The following TNRC6C variants were observed in gnomAD, a reference collection of about 807,000 sequenced individuals.
TNRC6C encodes the protein trinucleotide repeat-containing gene 6C protein.
TNRC6C carries 20 observed loss-of-function variants against 153.7 expected under a neutral mutation model. The ratio of observed to expected loss-of-function variants is 0.13; its 90% CI spans 0.09 to 0.19. The LOEUF is 0.19. Among genes scored for constraint, TNRC6C ranks in the 10% least tolerant of loss-of-function variants. The pLI, the probability that TNRC6C is intolerant of heterozygous loss-of-function variation, is 1.00. For missense variants in TNRC6C, 1,987 were observed against 2,172.0 expected (o/e 0.91, Z 1.69); for synonymous variants, 811 against 841.4 (o/e 0.96, Z 0.63).
intron 2 of TNRC6C, chr17:78,041,045 T>C (rs1444550659): frequency 6.6e-6 from 1 of 152,162 alleles, no homozygotes; most frequent in Non-Finnish European, 1.5e-5. Flanking sequence ...CAGGCGAGCC[T>C]CGATGCAGGC....
exon 2 of TNRC6C, chr17:78,031,767 G>A (rs972635431): frequency 8.1e-7 from 1 of 1,232,338 alleles, no homozygotes; most frequent in Non-Finnish European, 1.0e-6. Context: ...AACCCAGGGT[G>A]CTGGGCCTGC....
At chr17:77,976,736 C>G (rs1166675620) in intron 1 of TNRC6C, among the ~76,000 whole-genome samples, 1 of 151,942 alleles carries the variant, frequency 6.6e-6, no homozygotes, top group East Asian at 1.9e-4. Context: ...AGAGATCAGC[C>G]TAACCAATAT....
rs77850162 is a variant in TNRC6C, at chr17:78,102,766, T to C, written c.4572+222T>C. On this transcript the variant is annotated intron_variant, in intron 18 of 19. Transcript: ENST00000301624. ...CTCTTTTAACCATGTTCCTGGTGAA[T>C]TGTTTGTTTCCCCACCAGAGGCTGG... 3.4e-3 allele frequency: 1,780 copies of C among 522,562 alleles called. 28 individuals carry two copies. Among genetic ancestry groups the C allele is most frequent in the African/African-American group, 0.032 (1,617 of 50,680 alleles). 32.4% of individuals were successfully genotyped at this position (522,562 alleles called of 1,614,324 possible). A position where few individuals can be genotyped will look rare whatever the true frequency, so the allele number is the denominator to read the frequency against.
chr17:78,022,502 T>A (rs1334101287), intron 1 of TNRC6C, among the ~76,000 whole-genome samples: 1 of 152,184 alleles, frequency 6.6e-6, no homozygotes, highest in East Asian at 1.9e-4. Context: ...TTAAGAAAGA[T>A]TAACAGCAGC....
intron 1 of TNRC6C, among the ~76,000 whole-genome samples, chr17:78,006,433 G>A (rs2071497120): frequency 6.6e-6 from 1 of 152,074 alleles, no homozygotes; most frequent in Non-Finnish European, 1.5e-5. Context: ...TCTTACTATT[G>A]TCATTTCAAA....
Position 78,088,709 on chromosome 17 carries a change from G to C in TNRC6C, c.3802+1616G>C, listed in dbSNP as rs141286747. Among the ~76,000 whole-genome samples the C allele has an allele frequency of 9.8e-3, 1,460 of 148,904 alleles. 20 individuals carry two copies. The highest frequency in any genetic ancestry group is 0.038 in the South Asian group (178 of 4,738). On this transcript the variant is annotated intron_variant, in intron 13 of 19. Transcript: ENST00000301624. ...CAAACTCCTGGCCTTAAGTGATCCT[G>C]CTGGTCTCAGCTTCCCAAAGTGCTG...
chr17:78,107,927 G>C (rs1278441038), exon 20 of TNRC6C: 1 of 152,106 alleles, frequency 6.6e-6, no homozygotes, highest in East Asian at 1.9e-4. Flanking sequence ...AATCACCTTC[G>C]CTAACTTTCA....
chr17:78,048,889 T>TGG, exon 3 of TNRC6C: 1 of 1,248,784 alleles, frequency 8.0e-7, no homozygotes, highest in Non-Finnish European at 1.0e-6. Flanking sequence ...AAATTCCCAC[T>TGG]GGGGACAGCA....
chr17:77,996,476 A>G (rs1194451286), intron 1 of TNRC6C, among the ~76,000 whole-genome samples: 3 of 152,184 alleles, frequency 2.0e-5, no homozygotes, highest in Non-Finnish European at 4.4e-5. Flanking sequence ...AATCCACTCC[A>G]GGTGTCTGCC....
chr17:78,102,028 T>A (rs2073605492), intron 17 of TNRC6C, among the ~76,000 whole-genome samples: 1 of 152,134 alleles, frequency 6.6e-6, no homozygotes, highest in Non-Finnish European at 1.5e-5. Flanking sequence ...CCAAACCGTA[T>A]CAGATAGTTG....
intron 11 of TNRC6C, among the ~76,000 whole-genome samples, chr17:78,083,872 A>G (rs926646089): frequency 2.0e-5 from 3 of 152,176 alleles, no homozygotes; most frequent in African/African-American, 7.2e-5. Flanking sequence ...ATGTCATTGT[A>G]TACCTAGATG....
chr17:78,054,599 C>T (rs1231000930), intron 3 of TNRC6C, among the ~76,000 whole-genome samples: 1 of 151,892 alleles, frequency 6.6e-6, no homozygotes, highest in African/African-American at 2.4e-5. Context: ...CTACTATACA[C>T]CACTGCAGAC....
intron 1 of TNRC6C, among the ~76,000 whole-genome samples, chr17:78,009,160 A>G (rs565204594): frequency 6.2e-4 from 95 of 152,208 alleles, no homozygotes; most frequent in Non-Finnish European, 1.2e-3. Context: ...TAACTTGTGC[A>G]TTGTAGCTCT....
At chr17:78,051,521 T>A (rs1409461444) in intron 3 of TNRC6C, 73 bp downstream of exon 5, 1 of 1,335,818 alleles carries the variant, frequency 7.5e-7, no homozygotes, top group East Asian at 2.7e-5. Context: ...TATATATTCA[T>A]GAATACTCCG....
intron 3 of TNRC6C, among the ~76,000 whole-genome samples, chr17:78,060,365 T>TA (rs1335354233): frequency 2.6e-5 from 4 of 151,774 alleles, no homozygotes; most frequent in South Asian, 2.1e-4. Flanking sequence ...TTGGTATGAG[T>TA]AAAAAATCTC....
chr17:78,027,403 G>A (rs550384128), intron 1 of TNRC6C, among the ~76,000 whole-genome samples: 32 of 152,276 alleles, frequency 2.1e-4, no homozygotes, highest in African/African-American at 7.2e-4. Flanking sequence ...GGGCCCGTTA[G>A]AGGTTGGAAA....
intron 1 of TNRC6C, among the ~76,000 whole-genome samples, chr17:77,995,388 GC>G (rs2071313085): frequency 6.6e-6 from 1 of 152,206 alleles, no homozygotes. Context: ...TGTCTCTAGT[GC>G]CCTGTACTGA....
chr17:77,962,737 G>A lies in TNRC6C; in HGVS notation c.-38+3469G>A, dbSNP rs562881842. ...TCTTTCTCATAATTTTAAGACATGGGTTTTTACCTTTTCTCCAGCTCTATC... is the reference window on the plus strand; with the variant it reads ...TCTTTCTCATAATTTTAAGACATGGATTTTTACCTTTTCTCCAGCTCTATC... On this transcript the variant is annotated intron_variant, in intron 1 of 22. Transcript: ENST00000636222. Among the ~76,000 whole-genome samples, 15 of 152,288 alleles carry A rather than the reference G, an allele frequency of 9.8e-5. No homozygotes were observed. In the East Asian group the frequency reaches 2.9e-3, roughly 29 times the overall value.
intron 16 of TNRC6C, among the ~76,000 whole-genome samples, chr17:78,095,073 G>A (rs1232317983): frequency 6.6e-6 from 1 of 152,222 alleles, no homozygotes; most frequent in Non-Finnish European, 1.5e-5. Flanking sequence ...TTTGAGGGAT[G>A]TGGAGAAGTG....
Sources: allele counts gnomAD v4.1 joint callset (sites outside exome capture counted in the v4.1 genomes callset), GRCh38; gene constraint gnomAD v4.1.1; transcripts MANE v1.5; gene names NCBI Gene and HGNC (gene_info 2026-07-23, HGNC 2026-07-21).